SLC6A7: variants seen among roughly 807,000 people sequenced by gnomAD.
SLC6A7 encodes the protein solute carrier family 6 member 7.
SLC6A7 carries 58 observed loss-of-function variants against 73.1 expected under a neutral mutation model. The observed-to-expected ratio is 0.79, with a 90% CI of 0.64 to 0.99. The LOEUF (loss-of-function observed/expected upper bound fraction) is 0.99. SLC6A7 is among the 50% of genes least tolerant of loss of function. SLC6A7 has a pLI of 0.00. For synonymous variants in SLC6A7, 338 were observed against 338.7 expected (o/e 1.00, Z 0.02); for missense variants, 783 against 831.4 (o/e 0.94, Z 0.72).
chr5:150,202,610 A>G lies in SLC6A7; in HGVS notation c.994A>G (p.Ile332Val), dbSNP rs866019835. The change falls in exon 8 of 14, where the codon ATC becomes GTC. Residue 332 changes from isoleucine (I) to valine (V), a missense_variant. Transcript: ENST00000230671. ...TTTCATCGTCACTCTGGGCAACGCC[A>G]TCACCAGCATCCTGGCTGGCTTTGC... Reference protein sequence around the residue: ...DTFIVTLGNAITSILAGFAIF... With the variant: ...DTFIVTLGNAVTSILAGFAIF... The G allele has an allele frequency of 6.2e-7, 1 of 1,614,242 alleles. No homozygotes were observed.
Position 150,205,625 on chromosome 5 carries a change from T to C in SLC6A7, c.1701+2T>C. ...CGAGAAGAGGGCTCACTCTGGGAGG[T>C]GAGTCTGCCCACCCTGTCCACTCTC... On this transcript the variant is annotated splice_donor_variant, in intron 13 of 13. Transcript: ENST00000230671. LOFTEE classifies it high-confidence loss of function. The C allele has an allele frequency of 6.2e-7, 1 of 1,604,098 alleles. No individual in the cohort carries two copies. The highest frequency in any genetic ancestry group is 8.5e-7 in the Non-Finnish European group (1 of 1,175,480).
chr5:150,205,357 A>C (rs963229760), intron 12 of SLC6A7, 99 bp from the exon 13 acceptor site: 2 of 964,496 alleles, frequency 2.1e-6, no homozygotes, highest in African/African-American at 3.3e-5. Flanking sequence ...TCTGGGCTGG[A>C]CTGTCTCAGG....
At chr5:150,205,156 G>A (rs903093376) in intron 12 of SLC6A7, among the ~76,000 whole-genome samples, 2 of 152,230 alleles carry the variant, frequency 1.3e-5, no homozygotes, top group Non-Finnish European at 2.9e-5. Context: ...CAGGCCCCAG[G>A]GCCTCAGGAT....
intron 1 of SLC6A7, among the ~76,000 whole-genome samples, chr5:150,192,586 G>A (rs1243427948): frequency 6.6e-6 from 1 of 152,194 alleles, no homozygotes; most frequent in Non-Finnish European, 1.5e-5. Context: ...CCATGGTGGG[G>A]TTGGGAACTC....
At chr5:150,195,095 A>C in intron 2 of SLC6A7, 184 bp downstream of exon 2, 1 of 549,572 alleles carries the variant, frequency 1.8e-6, no homozygotes, top group Admixed American at 3.1e-5. Flanking sequence ...CCTTCTCATC[A>C]CCCAAGCCCT....
chr5:150,203,820 G>GGTGTGTGTGTGTGTGT lies in SLC6A7; in HGVS notation c.1201-58_1201-43dup, dbSNP rs35380195. ...GGCAGCAGGCACCCCGTGTGTGTGT[G>GGTGTGTGTGTGTGTGT]GTGTGTGTGTGTGTGTGTGTGTGTG... On this transcript the variant is annotated intron_variant, in intron 9 of 13. Coordinates refer to ENST00000230671, the MANE Select transcript of SLC6A7 (RefSeq NM_014228.5). The GGTGTGTGTGTGTGTGT allele has an allele frequency of 3.9e-4, 313 of 802,572 alleles. 3 individuals carry two copies. The African/African-American group carries it at 4.6e-3, about 12-fold the overall frequency. The allele number at this position is 802,572 out of a possible 1,614,324, so 49.7% of individuals were successfully genotyped here. A position where few individuals can be genotyped will look rare whatever the true frequency, so the allele number is the denominator to read the frequency against.
chr5:150,204,933 T>A lies in SLC6A7; in HGVS notation c.1533+6T>A. The A allele has an allele frequency of 2.1e-6, 1 of 486,576 alleles. No individual in the cohort carries two copies. The highest frequency in any genetic ancestry group is 4.2e-6 in the Non-Finnish European group (1 of 240,306). 30.1% of individuals were successfully genotyped at this position (486,576 alleles called of 1,614,324 possible). ...TGTCCCCAGCCACGCTCTTGGTAAC[T>A]GGGGAGGGCGGGAGGGTTTCTGGCT... is the stretch of plus-strand genomic sequence containing the variant. On this transcript the variant is annotated splice_donor_region_variant and intron_variant, in intron 12 of 13. Transcript: ENST00000230671.
Position 150,199,360 on chromosome 5 carries a change from G to A in SLC6A7, c.717G>A (p.Ser239=), listed in dbSNP as rs750607912. Residue 239 remains serine (S), a synonymous_variant, in exon 5 of 14, where the codon TCG becomes TCA. Transcript: ENST00000230671. The stretch of plus-strand genomic sequence containing the variant: ...GTATCCTCAAGGGTGTGAAGTCTTC[G>A]GGCAAGGTGAAGCCTGGGAGGCCCC... ...FLCILKGVKS[S]GKVVYFTATF... 23 of 1,612,560 alleles carry A rather than the reference G, an allele frequency of 1.4e-5. No homozygotes were observed. Among genetic ancestry groups the A allele is most frequent in the East Asian group, 2.2e-5 (1 of 44,858 alleles).
rs1174379758 is a variant in SLC6A7 at position 150,196,650 on chromosome 5, G to C, written c.218-66G>C. 3 of 1,525,562 alleles carry C rather than the reference G, an allele frequency of 2.0e-6. No individual in the cohort carries two copies. In the Admixed American group the frequency reaches 5.5e-5, roughly 28 times the overall value. The allele number at this position is 1,525,562 out of a possible 1,614,324, so 94.5% of individuals were successfully genotyped here. The stretch of plus-strand genomic sequence containing the variant: ...GCATCTGCAGGCCAGGGGAGGGGCG[G>C]GGCTAGAGCTGGGCTTTTGGGGGAG... On this transcript the variant is annotated intron_variant, in intron 2 of 13. Coordinates refer to ENST00000230671, the MANE Select transcript of SLC6A7 (RefSeq NM_014228.5).
Position 150,199,234 on chromosome 5 carries a change from C to T in SLC6A7, c.591C>T (p.Tyr197=), listed in dbSNP as rs762855463. 1.4e-5 allele frequency: 22 copies of T among 1,600,658 alleles called. 1 individual carries two copies. Among genetic ancestry groups the T allele is most frequent in the South Asian group, 1.2e-4 (11 of 89,482 alleles). ...VSPSEEYWSR[Y]VLHIQGSQGI... is the part of the protein sequence containing the mutation. Reference sequence around the variant, plus strand: ...AGACCTTTGTCTCCCACAGCCGCTACGTCCTCCACATCCAAGGCAGCCAGG... The same window carrying T: ...AGACCTTTGTCTCCCACAGCCGCTATGTCCTCCACATCCAAGGCAGCCAGG... The change falls in exon 5 of 14, where the codon TAC becomes TAT. Residue 197 remains tyrosine (Y), a synonymous_variant. Coordinates refer to ENST00000230671, the MANE Select transcript of SLC6A7 (RefSeq NM_014228.5).
chr5:150,207,835 C>A (rs973211424), intron 13 of SLC6A7, among the ~76,000 whole-genome samples: 1 of 152,140 alleles, frequency 6.6e-6, no homozygotes, highest in African/African-American at 2.4e-5. Flanking sequence ...AGCTGGAGTG[C>A]ACTGGGTGCT....
Position 150,204,004 on chromosome 5 carries a change from C to T in SLC6A7, c.1298C>T (p.Ala433Val), listed in dbSNP as rs756052124. Reference protein sequence around the residue: ...KAVFSGLICVAMYLMGLILTT... With the variant: ...KAVFSGLICVVMYLMGLILTT... The stretch of plus-strand genomic sequence containing the variant: ...GTGTTCTCAGGGCTCATCTGCGTGG[C>T]CATGTACCTGATGGGGCTGATCCTC... The change falls in exon 10 of 14, where the codon GCC becomes GTC. Residue 433 changes from alanine to valine, a missense_variant. Coordinates refer to ENST00000230671, the MANE Select transcript of SLC6A7 (RefSeq NM_014228.5). The T allele has an allele frequency of 6.2e-7, 1 of 1,613,584 alleles. No homozygotes were observed.
intron 1 of SLC6A7, among the ~76,000 whole-genome samples, chr5:150,193,705 C>G (rs887564624): frequency 6.6e-6 from 1 of 152,230 alleles, no homozygotes; most frequent in African/African-American, 2.4e-5. Flanking sequence ...CAGCTTCTTT[C>G]TGTTGTCCTC....
rs1472862239 is a variant in SLC6A7, at chr5:150,197,141, G to A, written c.449G>A (p.Ser150Asn). ...TTCTACCTCTTCGCCTCCCTCACCAGCGACCTACCCTGGGAGCACTGTGGC... is the reference window on the plus strand; with the variant it reads ...TTCTACCTCTTCGCCTCCCTCACCAACGACCTACCCTGGGAGCACTGTGGC... The part of the protein sequence containing the change: ...VLFYLFASLT[S>N]DLPWEHCGNW... The change falls in exon 4 of 14, where the codon AGC (serine) becomes AAC (asparagine). Residue 150 changes from serine to asparagine, a missense_variant. Ser to Asn is a conservative substitution (Grantham distance 46). Transcript: ENST00000230671. The A allele has an allele frequency of 6.2e-7, 1 of 1,613,992 alleles. No homozygotes were observed. Among genetic ancestry groups the A allele is most frequent in the African/African-American group, 1.3e-5 (1 of 74,942 alleles).
rs1238894644 is a variant in SLC6A7 at position 150,205,527 on chromosome 5, T to C, written c.1605T>C (p.Ala535=). Residue 535 remains alanine, a synonymous_variant, in exon 13 of 14, where the codon GCT becomes GCC. Transcript: ENST00000230671. ...GCAGTTACCGCTTCCCGCCCTGGGC[T>C]GAGCTGCTGGGCATCCTGATGGGCC... The part of the protein sequence containing the change: ...EYGSYRFPPW[A]ELLGILMGLL... 6.2e-7 allele frequency: 1 copy of C among 1,613,670 alleles called. No individual in the cohort carries two copies. Among genetic ancestry groups the C allele is most frequent in the South Asian group, 1.1e-5 (1 of 91,048 alleles).
chr5:150,195,910 C>T (rs1306487854), intron 2 of SLC6A7, among the ~76,000 whole-genome samples: 1 of 152,158 alleles, frequency 6.6e-6, no homozygotes, highest in Non-Finnish European at 1.5e-5. Flanking sequence ...TCATTTTGTC[C>T]TGAGACAGGC....
Position 150,197,148 on chromosome 5 carries a change from AC to A in SLC6A7, c.459del (p.Trp154GlyfsTer83). 1.9e-6 allele frequency: 3 copies of A among 1,613,986 alleles called. No homozygotes were observed. Among genetic ancestry groups the A allele is most frequent in the Non-Finnish European group, 2.5e-6 (3 of 1,179,988 alleles). On this transcript the variant is annotated frameshift_variant, in exon 4 of 14. Coordinates refer to ENST00000230671, the MANE Select transcript of SLC6A7 (RefSeq NM_014228.5). LOFTEE classifies it high-confidence loss of function. ...YLFASLTSDL[P>X]WEHCGNWWNT... is the part of the protein sequence containing the mutation. ...TCTTCGCCTCCCTCACCAGCGACCT[AC>A]CCTGGGAGCACTGTGGCAACTGGTG...
At chr5:150,196,610 A>G (rs1351650295) in intron 2 of SLC6A7, 106 bp from the exon 3 acceptor site, 1 of 1,095,006 alleles carries the variant, frequency 9.1e-7, no homozygotes, top group Non-Finnish European at 1.3e-6. Flanking sequence ...ACAGTGTTCC[A>G]TCAGGTCTGA....
At position 150,197,122 on chromosome 5, in the gene SLC6A7, C is replaced by T. The variant is rs200058333; in HGVS notation, c.430C>T (p.Leu144Phe). 86 of 1,614,134 alleles carry T rather than the reference C, an allele frequency of 5.3e-5. No individual in the cohort carries two copies. The highest frequency in any genetic ancestry group is 8.3e-5 in the Admixed American group (5 of 60,032). Residue 144 changes from leucine to phenylalanine, a missense_variant, in exon 4 of 14, where the codon CTC becomes TTC. Coordinates refer to ENST00000230671, the MANE Select transcript of SLC6A7 (RefSeq NM_014228.5). ...NMIIAYVLFYLFASLTSDLPW... is the reference protein window; with the variant it reads ...NMIIAYVLFYFFASLTSDLPW... ...GATCATCGCCTACGTGCTCTTCTAC[C>T]TCTTCGCCTCCCTCACCAGCGACCT...
Sources: gnomAD v4.1 joint callset for allele counts (sites outside exome capture counted in the v4.1 genomes callset) on GRCh38, gnomAD v4.1.1 for gene constraint, MANE v1.5 for transcripts, NCBI Gene and HGNC (gene_info 2026-07-23, HGNC 2026-07-21) for gene names.